DARS1: variants seen among roughly 807,000 people sequenced by gnomAD.
DARS1 encodes the protein aspartate--tRNA ligase, cytoplasmic.
DARS1 carries 51 observed loss-of-function variants against 68.8 expected under a neutral mutation model. The observed-to-expected ratio is 0.74, with a 90% CI of 0.59 to 0.94. The LOEUF (loss-of-function observed/expected upper bound fraction) is 0.94. Ranked by LOEUF, DARS1 falls within the 40% of genes least tolerant of loss-of-function variation. DARS1 has a pLI of 0.00. For missense variants in DARS1, 607 were observed against 597.3 expected, an observed-to-expected ratio of 1.02 and a Z score of -0.17; for synonymous variants, 203 against 190.4, an observed-to-expected ratio of 1.07 and a Z score of -0.55.
chr2:135,974,747 T>C (rs1682458569), intron 3 of DARS1, among the ~76,000 whole-genome samples: 1 of 152,122 alleles, frequency 6.6e-6, no homozygotes, highest in African/African-American at 2.4e-5. Flanking sequence ...TACAAACATT[T>C]GAAAGAAAAG....
chr2:135,978,129 C>G (rs1437710996), intron 3 of DARS1, among the ~76,000 whole-genome samples: 1 of 87,144 alleles, frequency 1.1e-5, no homozygotes, highest in African/African-American at 4.6e-5. Flanking sequence ...GGTGACAGAG[C>G]AAGACTCTGT....
chr2:135,927,498 T>C (rs1309791435), intron 7 of DARS1, among the ~76,000 whole-genome samples: 1 of 152,170 alleles, frequency 6.6e-6, no homozygotes, highest in African/African-American at 2.4e-5. Flanking sequence ...ATACTAATAA[T>C]ATTAGTTTCC....
At position 135,985,550 on chromosome 2, in the gene DARS1, C is replaced by G; in HGVS notation, c.-82G>C. 1 of 1,603,872 alleles carries G rather than the reference C, an allele frequency of 6.2e-7. No individual in the cohort carries two copies. Among genetic ancestry groups the G allele is most frequent in the Non-Finnish European group, 8.5e-7 (1 of 1,175,504 alleles). On this transcript the variant is annotated 5_prime_UTR_variant, in exon 1 of 16. Transcript: ENST00000264161. ...GGCCAAAGGGGCTTCTCCCTCCCTCCCAGTCTCCGCCCTCCCGACCCTGGG... is the reference window on the plus strand; with the variant it reads ...GGCCAAAGGGGCTTCTCCCTCCCTCGCAGTCTCCGCCCTCCCGACCCTGGG...
At chr2:135,940,945 ACTT>A (rs1349691715) in intron 5 of DARS1, among the ~76,000 whole-genome samples, 1 of 152,202 alleles carries the variant, frequency 6.6e-6, no homozygotes, top group African/African-American at 2.4e-5. Context: ...TAGGAATCCA[ACTT>A]ACAAGGGATG....
chr2:135,916,966 C>T (rs1035867130), intron 10 of DARS1, among the ~76,000 whole-genome samples: 1 of 152,084 alleles, frequency 6.6e-6, no homozygotes, highest in East Asian at 1.9e-4. Flanking sequence ...GGAGGAGGAT[C>T]ACTTGAGGTC....
At chr2:135,908,810 T>C (rs1457623851) in intron 15 of DARS1, among the ~76,000 whole-genome samples, 1 of 152,228 alleles carries the variant, frequency 6.6e-6, no homozygotes, top group Admixed American at 6.5e-5. Flanking sequence ...TTGTGGATTC[T>C]GAGTAATAAA....
At chr2:135,973,560 C>T (rs1250823023) in intron 3 of DARS1, among the ~76,000 whole-genome samples, 1 of 151,650 alleles carries the variant, frequency 6.6e-6, no homozygotes, top group African/African-American at 2.4e-5. Context: ...TTAAAAATAA[C>T]TAAAAGAATG....
intron 4 of DARS1, among the ~76,000 whole-genome samples, chr2:135,960,750 C>T (rs1682080516): frequency 6.6e-6 from 1 of 152,158 alleles, no homozygotes; most frequent in Non-Finnish European, 1.5e-5. Flanking sequence ...GCTCTCATCA[C>T]CTTAGAGCCA....
At chr2:135,968,792 G>C (rs988706705) in intron 3 of DARS1, among the ~76,000 whole-genome samples, 3 of 151,822 alleles carry the variant, frequency 2.0e-5, no homozygotes, top group African/African-American at 7.3e-5. Context: ...CTCCCAGGTA[G>C]CTGGGATTAC....
At chr2:135,981,270 A>G (rs560297893) in intron 2 of DARS1, among the ~76,000 whole-genome samples, 1 of 152,322 alleles carries the variant, frequency 6.6e-6, no homozygotes, top group East Asian at 1.9e-4. Flanking sequence ...TCTTTGTGTT[A>G]CAGCTCAAGG....
chr2:135,913,483 G>A (rs1187884531), intron 12 of DARS1, among the ~76,000 whole-genome samples: 2 of 152,038 alleles, frequency 1.3e-5, no homozygotes, highest in South Asian at 2.1e-4. Context: ...AGGGCCCGGC[G>A]CGGTGGCTCA....
intron 4 of DARS1, among the ~76,000 whole-genome samples, chr2:135,954,663 AGTTACTAT>A (rs1681924894): frequency 6.6e-6 from 1 of 152,210 alleles, no homozygotes; most frequent in African/African-American, 2.4e-5. Flanking sequence ...AAGCAAGTGT[AGTTACTAT>A]ACTGAGTTTT....
chr2:135,908,761 G>C (rs780025786), intron 15 of DARS1, among the ~76,000 whole-genome samples: 11 of 152,074 alleles, frequency 7.2e-5, no homozygotes. Context: ...TAATGGGGTT[G>C]TTTGTTTTGC....
chr2:135,953,390 G>T (rs1481096855), intron 4 of DARS1, among the ~76,000 whole-genome samples: 1 of 152,172 alleles, frequency 6.6e-6, no homozygotes, highest in Admixed American at 6.5e-5. Flanking sequence ...TTTAAATTCT[G>T]AGTCTGTGGT....
chr2:135,935,695 T>A (rs575602652), intron 5 of DARS1, among the ~76,000 whole-genome samples: 1 of 152,240 alleles, frequency 6.6e-6, no homozygotes, highest in African/African-American at 2.4e-5. Context: ...TCATAAAGAC[T>A]GAACTAGAGT....
At chr2:135,932,546 C>T (rs1681374451) in intron 7 of DARS1, among the ~76,000 whole-genome samples, 1 of 152,144 alleles carries the variant, frequency 6.6e-6, no homozygotes, top group Non-Finnish European at 1.5e-5. Context: ...GCTTCAAATT[C>T]ATTTGTCATT....
chr2:135,985,185 T>C (rs1025694732), intron 1 of DARS1: 1 of 678,734 alleles, frequency 1.5e-6, no homozygotes, highest in East Asian at 2.9e-5. Context: ...ACGCTTCTAG[T>C]AGGCCAAACT....
At chr2:135,927,459 G>A (rs1201413941) in intron 7 of DARS1, among the ~76,000 whole-genome samples, 11 of 151,832 alleles carry the variant, frequency 7.2e-5, no homozygotes, top group Admixed American at 7.2e-4. Flanking sequence ...ACAGGAAAAA[G>A]GCCTTCTTTA....
In DARS1 at chr2:135,985,588, G is replaced by T; in HGVS notation, c.-120C>A. On this transcript the variant is annotated 5_prime_UTR_variant, in exon 1 of 16. Transcript: ENST00000264161. ...TCCCGACCCTGGGGTCTCAGCACAC[G>T]CGCTCGGACTCCGCGTGGAGGTGCG... 6.4e-7 allele frequency: 1 copy of T among 1,554,696 alleles called. No individual in the cohort carries two copies.
Sources: gnomAD v4.1 joint callset for allele counts (sites outside exome capture counted in the v4.1 genomes callset) on GRCh38, gnomAD v4.1.1 for gene constraint, MANE v1.5 for transcripts, NCBI Gene and HGNC (gene_info 2026-07-23, HGNC 2026-07-21) for gene names.